Variants in PRKN observed in about 807,000 individuals in gnomAD.
The protein encoded by PRKN is E3 ubiquitin-protein ligase parkin.
In PRKN, 56 loss-of-function variants were observed where a neutral mutation model predicts 59.5. The ratio of observed to expected loss-of-function variants is 0.94; its 90% CI spans 0.76 to 1.18. The LOEUF is 1.18. Among genes scored for constraint, PRKN ranks in the 50% most tolerant of loss-of-function variants. PRKN has a pLI of 0.00. For missense variants in PRKN, 657 were observed against 596.4 expected, an observed-to-expected ratio of 1.10 and a Z score of -1.06; for synonymous variants, 250 against 222.1, an observed-to-expected ratio of 1.13 and a Z score of -1.12.
Position 161,359,726 on chromosome 6 carries a change from G to A in PRKN, c.1285+362C>T, listed in dbSNP as rs1042849883. ...CGGCCGGCAGACAACAGGGTCATAC[G>A]GTGCAGCCATCAGCGCTGGGGAAGG... On this transcript the variant is annotated intron_variant, in intron 11 of 11. Transcript: ENST00000366898. The surrounding 1 kb of genome is among the most constrained non-coding windows in gnomAD (Gnocchi z 5.4). Among the ~76,000 whole-genome samples the A allele has an allele frequency of 2.0e-5, 3 of 152,104 alleles. No homozygotes were observed. Among genetic ancestry groups the A allele is most frequent in the African/African-American group, 7.2e-5 (3 of 41,406 alleles).
rs1715099220 is a variant in PRKN, at chr6:161,874,495, TAAAATATATTATATGTAA to T, written c.735-88605_735-88588del. Among the ~76,000 whole-genome samples the T allele has an allele frequency of 2.0e-5, 2 of 102,012 alleles. 1 individual carries two copies. The highest frequency in any genetic ancestry group is 1.0e-4 in the African/African-American group (2 of 20,070). 66.9% of individuals were successfully genotyped at this position (102,012 alleles called of 152,430 possible). On this transcript the variant is annotated intron_variant, in intron 6 of 11. Coordinates refer to ENST00000366898, the MANE Select transcript of PRKN (RefSeq NM_004562.3). ...TTATATGTAAAATATATATTATATG[TAAAATATATTATATGTAA>T]AATATATATTATATGTAAAATATAT...
intron 9 of PRKN, among the ~76,000 whole-genome samples, chr6:161,515,063 G>A (rs1562497997): frequency 6.6e-6 from 1 of 152,088 alleles, no homozygotes. Flanking sequence ...CCTTTAAAAA[G>A]CATGAGGCCA....
chr6:161,796,003 T>A (rs1790832921), intron 6 of PRKN, among the ~76,000 whole-genome samples: 1 of 152,220 alleles, frequency 6.6e-6, no homozygotes, highest in African/African-American at 2.4e-5. Context: ...AATGCTTCTA[T>A]AAGCCACATA....
At position 161,582,648 on chromosome 6, in the gene PRKN, C is replaced by T. The variant is rs1017355318; in HGVS notation, c.872-13232G>A. ...TTCACCATGTTAGCCAGGATGGTCT[C>T]GATCTGCTGACCTCGTGATCTGCCC... is the stretch of plus-strand genomic sequence containing the variant. On this transcript the variant is annotated intron_variant, in intron 7 of 11. Coordinates refer to ENST00000366898, the MANE Select transcript of PRKN (RefSeq NM_004562.3). This position sits in a 1 kb window ranked among gnomAD's most constrained non-coding sequence, Gnocchi z 4.4. Among the ~76,000 whole-genome samples, 3 of 152,130 alleles carry T rather than the reference C, an allele frequency of 2.0e-5. No homozygotes were observed. Among genetic ancestry groups the T allele is most frequent in the Admixed American group, 6.5e-5 (1 of 15,290 alleles).
In PRKN at chr6:161,875,091, TTATA is replaced by T. The variant is rs1181273478; in HGVS notation, c.735-89187_735-89184del. Among the ~76,000 whole-genome samples the T allele has an allele frequency of 3.8e-4, 47 of 123,702 alleles. 3 individuals are homozygous for T. Among genetic ancestry groups the T allele is most frequent in the African/African-American group, 1.4e-3 (38 of 27,650 alleles). 81.2% of individuals were successfully genotyped at this position (123,702 alleles called of 152,430 possible). A position where few individuals can be genotyped will look rare whatever the true frequency, so the allele number is the denominator to read the frequency against. Reference sequence around the variant, plus strand: ...TTATATATAAAGTATATATGATATATTATATATAAAGTATATATATTATATATAA... The same window carrying T: ...TTATATATAAAGTATATATGATATATTATAAAGTATATATATTATATATAA... On this transcript the variant is annotated intron_variant, in intron 6 of 11. Transcript: ENST00000366898.
chr6:161,723,277 A>C (rs954590020), intron 7 of PRKN, among the ~76,000 whole-genome samples: 2 of 152,084 alleles, frequency 1.3e-5, no homozygotes, highest in Non-Finnish European at 2.9e-5. Flanking sequence ...TCAAAAAAAA[A>C]AAAAAGTGCA....
At chr6:161,942,436 C>A (rs1779599901) in intron 6 of PRKN, among the ~76,000 whole-genome samples, 1 of 152,076 alleles carries the variant, frequency 6.6e-6, no homozygotes, top group Non-Finnish European at 1.5e-5. Flanking sequence ...GAGGTTGAGG[C>A]AGGAGAATCG....
At chr6:162,211,141 C>G (rs926907903) in intron 3 of PRKN, among the ~76,000 whole-genome samples, 1 of 152,086 alleles carries the variant, frequency 6.6e-6, no homozygotes, top group Admixed American at 6.6e-5. Context: ...GTGGACTTTA[C>G]AAAATACTGT....
At chr6:162,509,891 TC>T (rs1777517493) in intron 1 of PRKN, among the ~76,000 whole-genome samples, 1 of 152,272 alleles carries the variant, frequency 6.6e-6, no homozygotes, top group South Asian at 2.1e-4. Context: ...GCGTGAACTA[TC>T]CCTCCTGGTG....
At chr6:162,172,509 T>C (rs1462943196) in intron 4 of PRKN, among the ~76,000 whole-genome samples, 2 of 152,224 alleles carry the variant, frequency 1.3e-5, no homozygotes, top group South Asian at 2.1e-4. Context: ...GTTTGAATCA[T>C]GGCTGTTAAA....
chr6:161,705,215 A>T (rs1262212312), intron 7 of PRKN, among the ~76,000 whole-genome samples: 1 of 152,194 alleles, frequency 6.6e-6, no homozygotes, highest in African/African-American at 2.4e-5. Context: ...ACTTGAAAAT[A>T]TCATAAGTCA....
chr6:161,776,917 T>C (rs1789949060), intron 7 of PRKN, among the ~76,000 whole-genome samples: 1 of 152,226 alleles, frequency 6.6e-6, no homozygotes, highest in Non-Finnish European at 1.5e-5. Context: ...GTTTTAAATA[T>C]GAAATAGTGC....
chr6:162,495,083 C>G (rs967970185), intron 1 of PRKN, among the ~76,000 whole-genome samples: 2 of 152,136 alleles, frequency 1.3e-5, no homozygotes, highest in African/African-American at 4.8e-5. Flanking sequence ...GACAGTTAAT[C>G]GAGAGACATC....
intron 2 of PRKN, among the ~76,000 whole-genome samples, chr6:162,414,272 TA>T (rs1389324510): frequency 3.3e-5 from 5 of 152,102 alleles, no homozygotes; most frequent in Non-Finnish European, 7.4e-5. Flanking sequence ...AACAAAACTT[TA>T]AAAGGGTGAT....
intron 1 of PRKN, among the ~76,000 whole-genome samples, chr6:162,460,770 T>C (rs1462451800): frequency 6.6e-6 from 1 of 152,200 alleles, no homozygotes; most frequent in Non-Finnish European, 1.5e-5. Context: ...ATCTTTCACA[T>C]TTAGAGTTTG....
chr6:161,809,226 C>T (rs886791268), intron 6 of PRKN, among the ~76,000 whole-genome samples: 7 of 152,030 alleles, frequency 4.6e-5, no homozygotes, highest in African/African-American at 1.7e-4. Context: ...TGGGTGTACC[C>T]CTTACCCACA....
In PRKN at chr6:161,359,371, G is replaced by C. The variant is rs1478484584; in HGVS notation, c.1285+717C>G. 6.6e-6 allele frequency among the ~76,000 whole-genome samples: 1 copy of C among 152,174 alleles called. No homozygotes were observed. The highest frequency in any genetic ancestry group is 1.5e-5 in the Non-Finnish European group (1 of 68,028). ...CCTGGGATGGCCGGGCTTCCCTCCC[G>C]CAAGTCAGCTCTGGGCAACCTGCCA... On this transcript the variant is annotated intron_variant, in intron 11 of 11. Coordinates refer to ENST00000366898, the MANE Select transcript of PRKN (RefSeq NM_004562.3). This position sits in a 1 kb window ranked among gnomAD's most constrained non-coding sequence, Gnocchi z 5.4.
intron 2 of PRKN, among the ~76,000 whole-genome samples, chr6:162,344,447 C>A (rs9356006): frequency 0.3 from 45,143 of 151,526 alleles, 7,024 homozygotes; most frequent in Non-Finnish European, 0.32. Context: ...AATCATATAG[C>A]AGCATATGAT....
intron 1 of PRKN, among the ~76,000 whole-genome samples, chr6:162,710,977 T>C (rs528239193): frequency 6.6e-6 from 1 of 152,320 alleles, no homozygotes; most frequent in African/African-American, 2.4e-5. Flanking sequence ...GCTACTTCTT[T>C]GGAGGAACCA....
Sources: gnomAD v4.1 joint callset for allele counts (sites outside exome capture counted in the v4.1 genomes callset) on GRCh38, gnomAD v4.1.1 for gene constraint, Gnocchi (gnomAD v3.1) non-coding constraint, MANE v1.5 for transcripts, NCBI Gene and HGNC (gene_info 2026-07-23, HGNC 2026-07-21) for gene names.